The following CSMD1 variants were observed in gnomAD, a reference collection of about 807,000 sequenced individuals.
The protein encoded by CSMD1 is CUB and Sushi multiple domains 1, also known as CUB and sushi domain-containing protein 1.
CSMD1 carries 213 observed loss-of-function variants against 417.5 expected under a neutral mutation model. The ratio of observed to expected loss-of-function variants is 0.51; its 90% confidence interval spans 0.46 to 0.57. The LOEUF is 0.57. Among genes scored for constraint, CSMD1 ranks in the 20% least tolerant of loss-of-function variants. The pLI, the probability that CSMD1 is intolerant of heterozygous loss-of-function variation, is 0.00. For missense variants in CSMD1, 6,923 were observed against 4,529.7 expected, an observed-to-expected ratio of 1.53 and a Z score of -15.17; for synonymous variants, 2,862 against 1,736.8, an observed-to-expected ratio of 1.65 and a Z score of -16.11.
intron 5 of CSMD1, among the ~76,000 whole-genome samples, chr8:3,923,815 G>C (rs11776171): frequency 6.6e-6 from 1 of 151,912 alleles, no homozygotes; most frequent in South Asian, 2.1e-4. Flanking sequence ...TACTCCCTGC[G>C]TCTGAGTTTC....
chr8:2,960,710 A>T lies in CSMD1; in HGVS notation c.9702+431T>A, dbSNP rs571904721. 5.8e-4 allele frequency among the ~76,000 whole-genome samples: 88 copies of T among 152,068 alleles called. 1 individual carries two copies. The South Asian group carries it at 0.018, about 32-fold the overall frequency. ...AAGGGGCTTACATACATTTTCTCCT[A>T]TTTTTATCTCTAGAATTTAATATTA... On this transcript the variant is annotated intron_variant, in intron 62 of 69. Transcript: ENST00000635120.
chr8:4,521,476 A>G (rs1447329033), intron 2 of CSMD1, among the ~76,000 whole-genome samples: 1 of 152,228 alleles, frequency 6.6e-6, no homozygotes, highest in African/African-American at 2.4e-5. Context: ...AAGAATATGC[A>G]TTTATATAAG....
intron 12 of CSMD1, among the ~76,000 whole-genome samples, chr8:3,431,994 T>C (rs1266950163): frequency 1.3e-5 from 2 of 152,180 alleles, no homozygotes; most frequent in Non-Finnish European, 2.9e-5. Context: ...AATGTGATCA[T>C]GTAAGAGATC....
chr8:4,578,332 A>ATTTTTCTTTTTT lies in CSMD1; in HGVS notation c.302+59009_302+59010insAAAAAAGAAAAA, dbSNP rs1799238990. On this transcript the variant is annotated intron_variant, in intron 2 of 69. Transcript: ENST00000635120. Reference sequence around the variant, plus strand: ...AGGCACCTGCCACGACACCCGGCTCATTTTTTTTTTTTTTTTTTTTTTTTT... The same window carrying ATTTTTCTTTTTT: ...AGGCACCTGCCACGACACCCGGCTCATTTTTCTTTTTTTTTTTTTTTTTTTTTTTTTTTTTTT... Among the ~76,000 whole-genome samples the ATTTTTCTTTTTT allele has an allele frequency of 5.8e-3, 281 of 48,756 alleles. 18 individuals carry two copies. Among genetic ancestry groups the ATTTTTCTTTTTT allele is most frequent in the African/African-American group, 0.021 (271 of 13,088 alleles). The allele number at this position is 48,756 out of a possible 152,430, so 32.0% of individuals were successfully genotyped here.
Position 4,891,503 on chromosome 8 carries a change from G to A in CSMD1, c.85+102829C>T, listed in dbSNP as rs540050960. ...GAAAGGTCTGTAATTAAAAGAATTA[G>A]ACAATAGTGTTTTATACTAAAAATA... is the stretch of plus-strand genomic sequence containing the variant. On this transcript the variant is annotated intron_variant, in intron 1 of 69. Transcript: ENST00000635120. Among the ~76,000 whole-genome samples, 7 of 152,244 alleles carry A rather than the reference G, an allele frequency of 4.6e-5. No individual in the cohort carries two copies. The South Asian group carries it at 1.2e-3, about 27-fold the overall frequency.
chr8:4,583,695 T>A (rs1563308788), intron 2 of CSMD1, among the ~76,000 whole-genome samples: 1 of 152,082 alleles, frequency 6.6e-6, no homozygotes, highest in Non-Finnish European at 1.5e-5. Flanking sequence ...AACCTTTGTA[T>A]CTAGCTCAGG....
chr8:4,471,024 A>C (rs938941246), intron 2 of CSMD1, among the ~76,000 whole-genome samples: 3 of 152,202 alleles, frequency 2.0e-5, no homozygotes, highest in East Asian at 1.9e-4. Context: ...ATTCTATGAA[A>C]TATCTTTTGA....
intron 45 of CSMD1, 95 bp from the exon 46 acceptor site, chr8:3,106,736 C>A: frequency 1.7e-6 from 1 of 580,066 alleles, no homozygotes; most frequent in Non-Finnish European, 3.1e-6. Context: ...TGAATTAAAT[C>A]AACTTGCAAA....
At chr8:3,842,585 C>T (rs1026135817) in intron 5 of CSMD1, among the ~76,000 whole-genome samples, 1 of 152,086 alleles carries the variant, frequency 6.6e-6, no homozygotes, top group Non-Finnish European at 1.5e-5. Flanking sequence ...ACACATAAAT[C>T]TCTTGCCTAT....
intron 39 of CSMD1, among the ~76,000 whole-genome samples, chr8:3,155,402 C>G (rs1489965504): frequency 3.4e-5 from 1 of 29,422 alleles, no homozygotes; most frequent in Non-Finnish European, 8.8e-5. Context: ...GAATCTCGCT[C>G]TGTCACCCAG....
intron 2 of CSMD1, among the ~76,000 whole-genome samples, chr8:4,449,196 TAC>T (rs35298497): frequency 0.017 from 2,591 of 152,322 alleles, 68 homozygotes; most frequent in African/African-American, 0.057. Context: ...TCTTCTACAA[TAC>T]AGTTTTACTT....
chr8:3,050,422 T>C (rs996599715), intron 50 of CSMD1, among the ~76,000 whole-genome samples: 1 of 152,198 alleles, frequency 6.6e-6, no homozygotes, highest in Non-Finnish European at 1.5e-5. Flanking sequence ...GGAGGCATCA[T>C]TATGAATGAC....
chr8:3,721,464 C>T (rs964407691), intron 6 of CSMD1, among the ~76,000 whole-genome samples: 3 of 152,090 alleles, frequency 2.0e-5, no homozygotes, highest in Non-Finnish European at 4.4e-5. Flanking sequence ...GGACTGAGTC[C>T]ATTAGTTTAA....
chr8:3,992,710 G>A (rs551277816), intron 5 of CSMD1, among the ~76,000 whole-genome samples: 1 of 152,302 alleles, frequency 6.6e-6, no homozygotes, highest in East Asian at 1.9e-4. Flanking sequence ...CAGTCCAGGA[G>A]TTTGAGGCTA....
At position 3,524,360 on chromosome 8, in the gene CSMD1, C is replaced by CA. The variant is rs1253783624; in HGVS notation, c.1345-30635_1345-30634insT. Among the ~76,000 whole-genome samples, 35 of 151,144 alleles carry CA rather than the reference C, an allele frequency of 2.3e-4. 1 individual carries two copies. The highest frequency in any genetic ancestry group is 8.3e-4 in the African/African-American group (34 of 41,174). On this transcript the variant is annotated intron_variant, in intron 10 of 69. Transcript: ENST00000635120. ...ACACATGCACACCCAGAAAGACAGG[C>CA]GCACACAAGTGCACACATGCACATA...
intron 2 of CSMD1, among the ~76,000 whole-genome samples, chr8:4,483,779 A>G (rs570124537): frequency 5.3e-5 from 8 of 152,218 alleles, no homozygotes; most frequent in Non-Finnish European, 8.8e-5. Flanking sequence ...CTGGTTTACC[A>G]TTTAAAATTT....
At chr8:3,869,318 G>A (rs939856593) in intron 5 of CSMD1, among the ~76,000 whole-genome samples, 6 of 151,946 alleles carry the variant, frequency 3.9e-5, no homozygotes, top group African/African-American at 7.3e-5. Context: ...TCTCTCCATG[G>A]CATGTATCAC....
chr8:4,247,366 G>A (rs1005351491), intron 3 of CSMD1, among the ~76,000 whole-genome samples: 1 of 152,104 alleles, frequency 6.6e-6, no homozygotes, highest in African/African-American at 2.4e-5. Flanking sequence ...CATCTCTTAC[G>A]AGTAAGGTAG....
chr8:4,613,451 G>C (rs1211341362), intron 2 of CSMD1, among the ~76,000 whole-genome samples: 1 of 152,102 alleles, frequency 6.6e-6, no homozygotes, highest in African/African-American at 2.4e-5. Flanking sequence ...CCAGAACCAA[G>C]TTTGCTGCAC....
Sources: allele counts gnomAD v4.1 joint callset (sites outside exome capture counted in the v4.1 genomes callset), GRCh38; gene constraint gnomAD v4.1.1; transcripts MANE v1.5; gene names NCBI Gene and HGNC (gene_info 2026-07-23, HGNC 2026-07-21).